ATP6V1E1: variants seen among roughly 807,000 people sequenced by gnomAD.
ATP6V1E1 encodes the protein V-type proton ATPase subunit E 1.
ATP6V1E1 carries 21 observed loss-of-function variants against 35.2 expected under a neutral mutation model. The observed-to-expected ratio is 0.60, with a 90% CI of 0.42 to 0.86. The LOEUF is 0.86. Ranked by LOEUF, ATP6V1E1 falls within the 40% of genes least tolerant of loss-of-function variation. The pLI is 0.00. For synonymous variants in ATP6V1E1, 83 were observed against 87.8 expected, an observed-to-expected ratio of 0.95 and a Z score of 0.30; for missense variants, 183 against 272.6, an observed-to-expected ratio of 0.67 and a Z score of 2.32.
At chr22:17,604,039 G>C (rs949429936) in intron 4 of ATP6V1E1, among the ~76,000 whole-genome samples, 1 of 152,154 alleles carries the variant, frequency 6.6e-6, no homozygotes, top group Non-Finnish European at 1.5e-5. Flanking sequence ...AGTTTTAAAA[G>C]GCCAATTCGT....
chr22:17,626,222 G>C (rs2057903854), intron 1 of ATP6V1E1, among the ~76,000 whole-genome samples: 1 of 149,792 alleles, frequency 6.7e-6, no homozygotes, highest in South Asian at 2.1e-4. Flanking sequence ...GCAGGAGAAT[G>C]GCATGAACCC....
rs900168269 is a variant in ATP6V1E1, at chr22:17,628,735, G to A, written c.-100C>T. ...AAGGGAACCCCTGCGCAGATCTCGGGTTCCTTTACTTTATAACCGCGGGTT... is the reference window on the plus strand; with the variant it reads ...AAGGGAACCCCTGCGCAGATCTCGGATTCCTTTACTTTATAACCGCGGGTT... On this transcript the variant is annotated 5_prime_UTR_variant, in exon 1 of 9. Transcript: ENST00000253413. The A allele has an allele frequency of 2.6e-6, 4 of 1,532,692 alleles. No individual in the cohort carries two copies. Among genetic ancestry groups the A allele is most frequent in the African/African-American group, 2.8e-5 (2 of 72,560 alleles). The allele number at this position is 1,532,692 out of a possible 1,614,324, so 94.9% of individuals were successfully genotyped here.
intron 6 of ATP6V1E1, among the ~76,000 whole-genome samples, chr22:17,598,819 TG>T (rs1159794860): frequency 1.2e-4 from 18 of 152,340 alleles, no homozygotes; most frequent in African/African-American, 4.1e-4. Context: ...ATTCTACTTC[TG>T]GGTATACAGA....
chr22:17,603,855 T>G (rs1278824976), intron 4 of ATP6V1E1, among the ~76,000 whole-genome samples: 1 of 152,198 alleles, frequency 6.6e-6, no homozygotes, highest in Non-Finnish European at 1.5e-5. Flanking sequence ...TCTAACATTT[T>G]TCCTCTCTGT....
chr22:17,624,428 C>G (rs950896265), intron 1 of ATP6V1E1, among the ~76,000 whole-genome samples: 1 of 151,940 alleles, frequency 6.6e-6, no homozygotes, highest in Non-Finnish European at 1.5e-5. Flanking sequence ...GTGGCGGGCA[C>G]CAGTAATCCC....
intron 1 of ATP6V1E1, among the ~76,000 whole-genome samples, chr22:17,626,625 G>A (rs1014603524): frequency 1.1e-4 from 16 of 151,034 alleles, no homozygotes; most frequent in African/African-American, 3.9e-4. Context: ...TCCACCTCCC[G>A]GGTTCAAGAA....
chr22:17,612,794 TA>T lies in ATP6V1E1; in HGVS notation c.276+17del. 6.5e-7 allele frequency: 1 copy of T among 1,544,856 alleles called. No individual in the cohort carries two copies. Among genetic ancestry groups the T allele is most frequent in the Non-Finnish European group, 8.7e-7 (1 of 1,145,080 alleles). Reference sequence around the variant, plus strand: ...AAACATGTAATAATTTTATAACTAATAGGGGCTAATTACTCACTGTGATAAG... The same window carrying T: ...AAACATGTAATAATTTTATAACTAATGGGGCTAATTACTCACTGTGATAAG... On this transcript the variant is annotated intron_variant, in intron 4 of 8. Transcript: ENST00000253413.
At chr22:17,594,915 G>GTAAATGGTTGTTA (rs1244527140) in intron 7 of ATP6V1E1, 3 of 187,798 alleles carry the variant, frequency 1.6e-5, no homozygotes, top group Admixed American at 6.1e-5. Flanking sequence ...CTAATACGAT[G>GTAAATGGTTGTTA]TAAATGGTTG....
chr22:17,604,916 G>A (rs944608178), intron 4 of ATP6V1E1, among the ~76,000 whole-genome samples: 8 of 151,842 alleles, frequency 5.3e-5, no homozygotes, highest in African/African-American at 9.7e-5. Flanking sequence ...ATTTATTCTC[G>A]TTTAAAAAAG....
intron 4 of ATP6V1E1, among the ~76,000 whole-genome samples, chr22:17,605,335 G>A (rs913085459): frequency 2.0e-5 from 3 of 151,770 alleles, no homozygotes; most frequent in Admixed American, 1.3e-4. Flanking sequence ...GTTTGAGACC[G>A]GCCTGGCCAA....
At chr22:17,606,437 T>C (rs2057787318) in intron 4 of ATP6V1E1, among the ~76,000 whole-genome samples, 1 of 152,168 alleles carries the variant, frequency 6.6e-6, no homozygotes, top group African/African-American at 2.4e-5. Context: ...TCCACATCTC[T>C]TATTTACAGG....
intron 1 of ATP6V1E1, among the ~76,000 whole-genome samples, chr22:17,628,243 G>A (rs117563635): frequency 0.011 from 1,607 of 152,340 alleles, 19 homozygotes; most frequent in Non-Finnish European, 0.018. Context: ...TGGGATTACA[G>A]GCGTGAGCCA....
At position 17,595,691 on chromosome 22, in the gene ATP6V1E1, C is replaced by T. The variant is rs138647393; in HGVS notation, c.531-1075G>A. On this transcript the variant is annotated intron_variant, in intron 7 of 8. Coordinates refer to ENST00000253413, the MANE Select transcript of ATP6V1E1 (RefSeq NM_001696.4). ...CAAAAATTAGCTGGGCATGGTGGGG[C>T]GTGCCTGTAGTCCCAGCTACTTGAG... Among the ~76,000 whole-genome samples, 286 of 152,044 alleles carry T rather than the reference C, an allele frequency of 1.9e-3. 1 individual carries two copies. Among genetic ancestry groups the T allele is most frequent in the African/African-American group, 6.5e-3 (269 of 41,464 alleles).
At chr22:17,614,500 T>TACAC (rs112669120) in intron 2 of ATP6V1E1, among the ~76,000 whole-genome samples, 22,426 of 148,526 alleles carry the variant, frequency 0.15, 2,070 homozygotes, top group Non-Finnish European at 0.2. Context: ...CTACTAAAAA[T>TACAC]ACACACACAC....
intron 1 of ATP6V1E1, among the ~76,000 whole-genome samples, 156 bp downstream of exon 1, chr22:17,628,447 C>T (rs1338464214): frequency 6.6e-6 from 1 of 152,262 alleles, no homozygotes; most frequent in East Asian, 1.9e-4. Context: ...GGCAAATCTC[C>T]GTCCTCAGGC....
At chr22:17,610,254 C>G (rs1601385029) in intron 4 of ATP6V1E1, among the ~76,000 whole-genome samples, 2 of 133,030 alleles carry the variant, frequency 1.5e-5, no homozygotes, top group Non-Finnish European at 2.9e-5. Context: ...GAAAAAATAA[C>G]TAATAAAATA....
chr22:17,611,952 T>C (rs2057817656), intron 4 of ATP6V1E1, among the ~76,000 whole-genome samples: 1 of 152,238 alleles, frequency 6.6e-6, no homozygotes, highest in Non-Finnish European at 1.5e-5. Flanking sequence ...CCTAGTAATT[T>C]AATAATTTTA....
intron 1 of ATP6V1E1, 114 bp from the exon 2 acceptor site, chr22:17,619,640 C>T: frequency 1.2e-6 from 1 of 852,198 alleles, no homozygotes; most frequent in Non-Finnish European, 1.8e-6. Flanking sequence ...AATCCTACCA[C>T]TCTGGGGGGC....
chr22:17,594,409 GA>G (rs2057720666), intron 8 of ATP6V1E1, 119 bp downstream of exon 8: 1 of 812,694 alleles, frequency 1.2e-6, no homozygotes, highest in Non-Finnish European at 1.8e-6. Flanking sequence ...TTCTTTTTGA[GA>G]AAATGTCCAA....
Sources: gnomAD v4.1 joint callset for allele counts (sites outside exome capture counted in the v4.1 genomes callset) on GRCh38, gnomAD v4.1.1 for gene constraint, MANE v1.5 for transcripts, NCBI Gene and HGNC (gene_info 2026-07-23, HGNC 2026-07-21) for gene names.